CFAP57: variants seen among roughly 807,000 people sequenced by gnomAD.
The protein encoded by CFAP57 is cilia- and flagella-associated protein 57.
In CFAP57, 116 loss-of-function variants were observed where a neutral mutation model predicts 146.8. The ratio of observed to expected loss-of-function variants is 0.79; its 90% CI spans 0.68 to 0.92. The LOEUF is 0.92. CFAP57 is among the 40% of genes least tolerant of loss of function. The pLI, the probability that CFAP57 is intolerant of heterozygous loss-of-function variation, is 0.00. For synonymous variants in CFAP57, 518 were observed against 552.8 expected (o/e 0.94, Z 0.88); for missense variants, 1,377 against 1,527.2 (o/e 0.90, Z 1.64).
intron 14 of CFAP57, among the ~76,000 whole-genome samples, chr1:43,221,798 A>T (rs565211219): frequency 2.0e-5 from 3 of 152,280 alleles, no homozygotes; most frequent in African/African-American, 7.2e-5. Context: ...TTTGCTATAA[A>T]GCAGGAGTCC....
intron 2 of CFAP57, among the ~76,000 whole-genome samples, chr1:43,173,940 G>A (rs541885128): frequency 2.6e-5 from 4 of 152,212 alleles, no homozygotes; most frequent in African/African-American, 9.6e-5. Context: ...GTCCAACTTC[G>A]TAATTTTTTG....
intron 11 of CFAP57, among the ~76,000 whole-genome samples, chr1:43,213,946 G>T (rs1262384433): frequency 6.6e-6 from 1 of 150,834 alleles, no homozygotes; most frequent in Non-Finnish European, 1.5e-5. Context: ...GAGTGCAATG[G>T]TTCAATCTCG....
intron 11 of CFAP57, chr1:43,211,364 A>AGGAGATAGAGACCATCCT (rs1368318157): frequency 2.0e-5 from 3 of 152,214 alleles, no homozygotes; most frequent in Non-Finnish European, 4.4e-5. Flanking sequence ...TCATGAGGTC[A>AGGAGATAGAGACCATCCT]GGAGATAGAG....
chr1:43,213,149 A>T (rs1204568177), intron 11 of CFAP57, among the ~76,000 whole-genome samples: 1 of 151,888 alleles, frequency 6.6e-6, no homozygotes, highest in Non-Finnish European at 1.5e-5. Context: ...GTGCAATGGC[A>T]TGATCTCCGC....
intron 15 of CFAP57, 121 bp from the exon 16 acceptor site, chr1:43,222,703 A>T: frequency 8.5e-7 from 1 of 1,170,198 alleles, no homozygotes; most frequent in South Asian, 2.0e-5. Flanking sequence ...CGTTTCTGGA[A>T]TGACACTCGC....
chr1:43,212,520 G>A (rs1022085040), intron 11 of CFAP57, among the ~76,000 whole-genome samples: 14 of 152,066 alleles, frequency 9.2e-5, no homozygotes, highest in African/African-American at 2.2e-4. Context: ...CATCCATCTC[G>A]CGTATTTATG....
intron 6 of CFAP57, among the ~76,000 whole-genome samples, chr1:43,192,910 A>G (rs1444134313): frequency 6.6e-6 from 1 of 151,514 alleles, no homozygotes; most frequent in Non-Finnish European, 1.5e-5. Flanking sequence ...CTGGGCAACA[A>G]GAGTGAAAAC....
intron 2 of CFAP57, among the ~76,000 whole-genome samples, 182 bp from the exon 3 acceptor site, chr1:43,181,352 G>T (rs373187107): frequency 6.6e-6 from 1 of 152,016 alleles, no homozygotes; most frequent in African/African-American, 2.4e-5. Flanking sequence ...GATTACAGGC[G>T]TGAGCCACCA....
chr1:43,203,047 C>T (rs1644201702), intron 9 of CFAP57, among the ~76,000 whole-genome samples: 1 of 151,754 alleles, frequency 6.6e-6, no homozygotes, highest in Admixed American at 6.6e-5. Flanking sequence ...GTGGTGGGCA[C>T]CTGTAGTCCC....
chr1:43,222,466 G>A (rs142571388), intron 15 of CFAP57, among the ~76,000 whole-genome samples, 171 bp downstream of exon 15: 7 of 152,290 alleles, frequency 4.6e-5, no homozygotes, highest in Admixed American at 3.9e-4. Flanking sequence ...AAATAACATC[G>A]CAAATAAATA....
At chr1:43,174,091 A>G (rs947814342) in intron 2 of CFAP57, among the ~76,000 whole-genome samples, 3 of 152,086 alleles carry the variant, frequency 2.0e-5, no homozygotes, top group Non-Finnish European at 2.9e-5. Flanking sequence ...TGTTTTTTAC[A>G]GTTTGTTGTG....
At chr1:43,197,715 A>G (rs780077209) in intron 7 of CFAP57, 23 bp downstream of exon 7, 2 of 1,613,848 alleles carry the variant, frequency 1.2e-6, no homozygotes, top group African/African-American at 1.3e-5. Context: ...AGGCTTGCCT[A>G]CTTTATTATG....
chr1:43,197,706 G>T lies in CFAP57; in HGVS notation c.1262+14G>T, dbSNP rs754264025. On this transcript the variant is annotated intron_variant, in intron 7 of 22. Coordinates refer to ENST00000372492, the MANE Select transcript of CFAP57 (RefSeq NM_001378189.1). Reference sequence around the variant, plus strand: ...TTATGAAACAAAGTAAGGAATGAAAGGCTTGCCTACTTTATTATGCAAGAC... The same window carrying T: ...TTATGAAACAAAGTAAGGAATGAAATGCTTGCCTACTTTATTATGCAAGAC... 1 of 1,613,898 alleles carries T rather than the reference G, an allele frequency of 6.2e-7. No individual in the cohort carries two copies. Among genetic ancestry groups the T allele is most frequent in the Non-Finnish European group, 8.5e-7 (1 of 1,179,920 alleles).
chr1:43,209,724 A>G lies in CFAP57; in HGVS notation c.1756-19A>G. ...CACAGCTCGACCCCTCACACTGAGC[A>G]GAGCTGCCTGTGTCTCAGATCCTTC... On this transcript the variant is annotated intron_variant, in intron 10 of 22. Coordinates refer to ENST00000372492, the MANE Select transcript of CFAP57 (RefSeq NM_001378189.1). The G allele has an allele frequency of 6.2e-7, 1 of 1,611,458 alleles. No individual in the cohort carries two copies. Among genetic ancestry groups the G allele is most frequent in the Non-Finnish European group, 8.5e-7 (1 of 1,178,328 alleles).
intron 22 of CFAP57, among the ~76,000 whole-genome samples, chr1:43,248,307 T>G (rs1646191690): frequency 6.7e-6 from 1 of 149,430 alleles, no homozygotes; most frequent in Non-Finnish European, 1.5e-5. Flanking sequence ...CATTGTTTCA[T>G]AAAAAAATTT....
intron 5 of CFAP57, among the ~76,000 whole-genome samples, chr1:43,185,702 G>A (rs987124727): frequency 6.9e-5 from 9 of 130,024 alleles, no homozygotes; most frequent in South Asian, 5.1e-4. Flanking sequence ...AAAAAATTAT[G>A]AGGTCAGGAG....
chr1:43,199,131 A>G (rs1415668424), intron 8 of CFAP57, among the ~76,000 whole-genome samples: 1 of 152,214 alleles, frequency 6.6e-6, no homozygotes. Flanking sequence ...TTCTACAGGC[A>G]AAATGATTGC....
Position 43,183,894 on chromosome 1 carries a change from G to A in CFAP57, c.761+17G>A. 6.2e-7 allele frequency: 1 copy of A among 1,613,050 alleles called. No homozygotes were observed. The highest frequency in any genetic ancestry group is 8.5e-7 in the Non-Finnish European group (1 of 1,179,986). On this transcript the variant is annotated intron_variant, in intron 4 of 22. Coordinates refer to ENST00000372492, the MANE Select transcript of CFAP57 (RefSeq NM_001378189.1). Reference sequence around the variant, plus strand: ...ATCAGAGAGGTAATGGTGCTTCCTGGGCTGGTGCTCCCACATTCATTGTAC... The same window carrying A: ...ATCAGAGAGGTAATGGTGCTTCCTGAGCTGGTGCTCCCACATTCATTGTAC...
chr1:43,215,357 G>C lies in CFAP57; in HGVS notation c.2032G>C (p.Glu678Gln), dbSNP rs1346307476. ...FDKDGRGIKREREVGFAEEVL... is the reference protein window; with the variant it reads ...FDKDGRGIKRQREVGFAEEVL... ...TAAGGATGGCCGGGGAATCAAGCGA[G>C]AGAGGGAGGTGGGCTTTGCCGAAGA... is the stretch of plus-strand genomic sequence containing the variant. The change falls in exon 12 of 23, where the codon GAG (glutamate) becomes CAG (glutamine). Residue 678 changes from glutamate to glutamine, a missense_variant. By Grantham distance (29) the Glu-to-Gln change is conservative. Coordinates refer to ENST00000372492, the MANE Select transcript of CFAP57 (RefSeq NM_001378189.1). The C allele has an allele frequency of 1.3e-6, 2 of 1,551,080 alleles. No individual in the cohort carries two copies. The highest frequency in any genetic ancestry group is 1.2e-5 in the South Asian group (1 of 84,066).
Sources: allele counts gnomAD v4.1 joint callset (sites outside exome capture counted in the v4.1 genomes callset), GRCh38; gene constraint gnomAD v4.1.1; transcripts MANE v1.5; gene names NCBI Gene and HGNC (gene_info 2026-07-23, HGNC 2026-07-21).